EXOC6B: variants seen among roughly 807,000 people sequenced by gnomAD.
The protein encoded by EXOC6B is SEC15 homolog B.
A neutral mutation model predicts 113.5 loss-of-function variants in EXOC6B; 54 were observed. The ratio of observed to expected loss-of-function variants is 0.48; its 90% confidence interval spans 0.38 to 0.60. The LOEUF (loss-of-function observed/expected upper bound fraction) is 0.60, where lower values mean the gene tolerates loss of function less well. Among genes scored for constraint, EXOC6B ranks in the 20% least tolerant of loss-of-function variants. The pLI, the probability that EXOC6B is intolerant of heterozygous loss-of-function variation, is 0.00. For synonymous variants in EXOC6B, 357 were observed against 339.0 expected, an observed-to-expected ratio of 1.05 and a Z score of -0.58; for missense variants, 797 against 977.5, an observed-to-expected ratio of 0.82 and a Z score of 2.46.
chr2:72,472,299 T>C (rs1322114763), intron 17 of EXOC6B, among the ~76,000 whole-genome samples: 2 of 152,152 alleles, frequency 1.3e-5, no homozygotes, highest in Non-Finnish European at 2.9e-5. Context: ...GTTATTCTTA[T>C]ATGTTTGGTG....
At chr2:72,743,804 T>C (rs532649594) in intron 1 of EXOC6B, among the ~76,000 whole-genome samples, 2 of 152,330 alleles carry the variant, frequency 1.3e-5, no homozygotes, top group Admixed American at 1.3e-4. Flanking sequence ...TATAATCCTT[T>C]CTGGGTACTG....
intron 6 of EXOC6B, among the ~76,000 whole-genome samples, chr2:72,666,050 A>G (rs1675365356): frequency 6.6e-6 from 1 of 152,224 alleles, no homozygotes; most frequent in Non-Finnish European, 1.5e-5. Flanking sequence ...TTTTTATATC[A>G]GATAAACCAG....
At chr2:72,272,904 C>T (rs1025896287) in intron 20 of EXOC6B, among the ~76,000 whole-genome samples, 1 of 152,038 alleles carries the variant, frequency 6.6e-6, no homozygotes, top group African/African-American at 2.4e-5. Context: ...AAGTTTAGGT[C>T]AAAAATATTG....
chr2:72,655,500 G>GA (rs1674512089), intron 6 of EXOC6B, among the ~76,000 whole-genome samples: 1 of 151,396 alleles, frequency 6.6e-6, no homozygotes, highest in African/African-American at 2.4e-5. Flanking sequence ...AAAAGAAGGG[G>GA]AAAAAAAGAA....
chr2:72,675,953 C>T (rs1676267966), intron 6 of EXOC6B, among the ~76,000 whole-genome samples: 1 of 151,956 alleles, frequency 6.6e-6, no homozygotes, highest in Non-Finnish European at 1.5e-5. Context: ...GCTATAGCTC[C>T]CTCTGTAGTA....
In EXOC6B at chr2:72,549,939, A is replaced by T. The variant is rs552885840; in HGVS notation, c.915+9514T>A. 2.6e-5 allele frequency among the ~76,000 whole-genome samples: 4 copies of T among 152,304 alleles called. No individual in the cohort carries two copies. In the East Asian group the frequency reaches 7.7e-4, roughly 29 times the overall value. ...AAGAATTATAAGGCAAAAATGATCA[A>T]CAAAGTTGGAGCCAAAAGGTCCAGG... On this transcript the variant is annotated intron_variant, in intron 8 of 21. Transcript: ENST00000272427.
At chr2:72,410,118 T>C (rs528092214) in intron 18 of EXOC6B, among the ~76,000 whole-genome samples, 6 of 152,310 alleles carry the variant, frequency 3.9e-5, no homozygotes, top group African/African-American at 9.6e-5. Flanking sequence ...TCTGACAAAA[T>C]TGGTTCTGAC....
intron 15 of EXOC6B, 145 bp downstream of exon 15, chr2:72,495,285 A>T: frequency 2.0e-6 from 1 of 501,436 alleles, no homozygotes; most frequent in Non-Finnish European, 3.6e-6. Flanking sequence ...GACTATAGAA[A>T]TACAGCAGTG....
chr2:72,602,213 C>T (rs1233054787), intron 6 of EXOC6B, among the ~76,000 whole-genome samples: 1 of 152,062 alleles, frequency 6.6e-6, no homozygotes, highest in African/African-American at 2.4e-5. Flanking sequence ...AAGAGATGAT[C>T]ATAAGAATTT....
At chr2:72,462,817 T>C (rs1697785710) in intron 18 of EXOC6B, 2 of 152,118 alleles carry the variant, frequency 1.3e-5, no homozygotes, top group African/African-American at 4.8e-5. Context: ...ATTTATTTTA[T>C]AGAACTTCTA....
chr2:72,613,142 G>A (rs967594605), intron 6 of EXOC6B, among the ~76,000 whole-genome samples: 3 of 152,118 alleles, frequency 2.0e-5, no homozygotes, highest in Non-Finnish European at 4.4e-5. Context: ...AATGATCAGT[G>A]TTCATATAAC....
At chr2:72,210,419 T>G (rs927699307) in intron 20 of EXOC6B, among the ~76,000 whole-genome samples, 1 of 152,140 alleles carries the variant, frequency 6.6e-6, no homozygotes, top group Non-Finnish European at 1.5e-5. Context: ...ACAGAAAGTT[T>G]AGAAGGAAGA....
chr2:72,660,476 T>A (rs574159722), intron 6 of EXOC6B, among the ~76,000 whole-genome samples: 11 of 152,306 alleles, frequency 7.2e-5, no homozygotes, highest in African/African-American at 2.6e-4. Flanking sequence ...ATTCAATGTC[T>A]CCTAACAAAA....
chr2:72,457,473 A>G (rs1451270867), intron 18 of EXOC6B, among the ~76,000 whole-genome samples: 1 of 152,116 alleles, frequency 6.6e-6, no homozygotes, highest in Non-Finnish European at 1.5e-5. Flanking sequence ...AAGGTCGGCT[A>G]TGAGAGATCT....
chr2:72,282,650 A>G (rs1416514220), intron 20 of EXOC6B, among the ~76,000 whole-genome samples: 1 of 151,864 alleles, frequency 6.6e-6, no homozygotes, highest in Non-Finnish European at 1.5e-5. Flanking sequence ...AGAAGCAAAC[A>G]CTCTCCACGC....
chr2:72,608,603 G>A (rs577659463), intron 6 of EXOC6B, among the ~76,000 whole-genome samples: 1 of 151,814 alleles, frequency 6.6e-6, no homozygotes, highest in African/African-American at 2.4e-5. Flanking sequence ...TAAAATTTAG[G>A]GCTACTTTCC....
At chr2:72,427,747 C>T (rs1695290578) in intron 18 of EXOC6B, among the ~76,000 whole-genome samples, 1 of 152,160 alleles carries the variant, frequency 6.6e-6, no homozygotes, top group African/African-American at 2.4e-5. Context: ...CCTGGTGAGG[C>T]TGTACCTTCA....
chr2:72,580,904 G>A (rs1705180876), intron 6 of EXOC6B, among the ~76,000 whole-genome samples: 1 of 152,186 alleles, frequency 6.6e-6, no homozygotes, highest in Admixed American at 6.5e-5. Flanking sequence ...AGAGTCCCAT[G>A]GATTAAGCAA....
At position 72,523,974 on chromosome 2, in the gene EXOC6B, C is replaced by T. The variant is rs1482785666; in HGVS notation, c.916-8848G>A. Among the ~76,000 whole-genome samples the T allele has an allele frequency of 2.0e-5, 3 of 151,460 alleles. No individual in the cohort carries two copies. In the East Asian group the frequency reaches 5.9e-4, roughly 30 times the overall value. On this transcript the variant is annotated intron_variant, in intron 8 of 21. Coordinates refer to ENST00000272427, the MANE Select transcript of EXOC6B (RefSeq NM_015189.3). ...CAACTAAGGACAACCATACAAAGAA[C>T]AAGGGAAGGGAAAGGAAGAAGGGAA...
Sources: gnomAD v4.1 joint callset for allele counts (sites outside exome capture counted in the v4.1 genomes callset) on GRCh38, gnomAD v4.1.1 for gene constraint, MANE v1.5 for transcripts, NCBI Gene and HGNC (gene_info 2026-07-23, HGNC 2026-07-21) for gene names.